The following UNC13C variants were observed in gnomAD, a reference collection of about 807,000 sequenced individuals.
UNC13C encodes protein unc-13 homolog C.
In UNC13C, 174 loss-of-function variants were observed where a neutral mutation model predicts 245.4. The ratio of observed to expected loss-of-function variants is 0.71; its 90% confidence interval spans 0.63 to 0.80. The LOEUF (loss-of-function observed/expected upper bound fraction) is 0.80. UNC13C is among the 30% of genes least tolerant of loss of function. The pLI is 0.00. For missense variants in UNC13C, 2,829 were observed against 2,602.9 expected, an observed-to-expected ratio of 1.09 and a Z score of -1.89; for synonymous variants, 992 against 895.1, an observed-to-expected ratio of 1.11 and a Z score of -1.93.
chr15:54,320,935 C>T (rs981553577), intron 13 of UNC13C: 7 of 360,516 alleles, frequency 1.9e-5, no homozygotes, highest in Admixed American at 1.8e-4. Flanking sequence ...AAACTGCTTC[C>T]ATTATTACCA....
chr15:54,351,517 C>G (rs1490333535), intron 17 of UNC13C, among the ~76,000 whole-genome samples: 1 of 152,080 alleles, frequency 6.6e-6, no homozygotes, highest in Non-Finnish European at 1.5e-5. Context: ...CCCCAGCTTC[C>G]CAGAAGTTAC....
intron 2 of UNC13C, among the ~76,000 whole-genome samples, chr15:54,021,415 G>T (rs1365496134): frequency 1.3e-5 from 2 of 152,164 alleles, no homozygotes; most frequent in South Asian, 4.1e-4. Context: ...GACTTTGTTA[G>T]ATTCCACATA....
chr15:54,291,666 G>C (rs1295925323), intron 10 of UNC13C, among the ~76,000 whole-genome samples: 2 of 151,912 alleles, frequency 1.3e-5, no homozygotes, highest in Non-Finnish European at 2.9e-5. Context: ...TCTAAGACAA[G>C]TGTTATTACC....
chr15:53,913,742 C>T, the UNC13C span: 1 of 152,196 alleles, frequency 6.6e-6, no homozygotes, highest in Non-Finnish European at 1.5e-5. Context: ...CCAAGTAAGG[C>T]CATGGGGCCT....
chr15:54,447,134 A>G (rs1419582290), intron 19 of UNC13C, among the ~76,000 whole-genome samples: 1 of 152,174 alleles, frequency 6.6e-6, no homozygotes, highest in Non-Finnish European at 1.5e-5. Flanking sequence ...CATCCCAGGT[A>G]TGAAGCCCAC....
At chr15:54,103,695 A>G (rs1300946806) in intron 2 of UNC13C, among the ~76,000 whole-genome samples, 1 of 151,946 alleles carries the variant, frequency 6.6e-6, no homozygotes, top group African/African-American at 2.4e-5. Context: ...CATCAGACCT[A>G]TCAGACAACT....
chr15:53,860,134 C>T, the UNC13C span, among the ~76,000 whole-genome samples: 3 of 152,248 alleles, frequency 2.0e-5, no homozygotes, highest in South Asian at 4.1e-4. Context: ...AGTAAGAATG[C>T]ACGTTGTTCA....
Position 54,361,173 on chromosome 15 carries a change from T to C in UNC13C, c.4713+22684T>C, listed in dbSNP as rs577291780. Among the ~76,000 whole-genome samples, 311 of 152,252 alleles carry C rather than the reference T, an allele frequency of 2.0e-3. 1 individual carries two copies. The highest frequency in any genetic ancestry group is 6.5e-3 in the African/African-American group (271 of 41,564). The stretch of plus-strand genomic sequence containing the variant: ...TACTCTTTTCTATTCTTTTTTCTTT[T>C]ATCTCCTATTTTGTATATTCTCTCT... On this transcript the variant is annotated intron_variant, in intron 17 of 32. Coordinates refer to ENST00000260323, the MANE Select transcript of UNC13C (RefSeq NM_001080534.3).
At chr15:54,450,163 AG>A (rs1251654003) in intron 19 of UNC13C, among the ~76,000 whole-genome samples, 1 of 152,160 alleles carries the variant, frequency 6.6e-6, no homozygotes, top group Non-Finnish European at 1.5e-5. Flanking sequence ...AGCCACGATG[AG>A]GTGTCAGTCT....
chr15:54,003,377 C>T (rs115246031), intron 1 of UNC13C, among the ~76,000 whole-genome samples: 3,002 of 152,242 alleles, frequency 0.02, 104 homozygotes, highest in African/African-American at 0.069. Flanking sequence ...GAAAAAGCAA[C>T]AGTGCTTATC....
At chr15:54,423,428 A>C (rs2040694597) in intron 19 of UNC13C, among the ~76,000 whole-genome samples, 1 of 151,924 alleles carries the variant, frequency 6.6e-6, no homozygotes, top group East Asian at 1.9e-4. Context: ...TACAGCATAT[A>C]GATAATTTCC....
intron 17 of UNC13C, among the ~76,000 whole-genome samples, chr15:54,364,242 G>C (rs1243640904): frequency 6.6e-6 from 1 of 152,006 alleles, no homozygotes; most frequent in East Asian, 1.9e-4. Flanking sequence ...TTATAATATA[G>C]CTGGACCCAA....
intron 11 of UNC13C, among the ~76,000 whole-genome samples, chr15:54,295,473 ACCC>A (rs1322365505): frequency 6.6e-6 from 1 of 151,956 alleles, no homozygotes; most frequent in Non-Finnish European, 1.5e-5. Context: ...ACATAGTGAG[ACCC>A]ATCTCTACCA....
At position 54,445,220 on chromosome 15, in the gene UNC13C, A is replaced by G. The variant is rs142454998; in HGVS notation, c.4933+30153A>G. On this transcript the variant is annotated intron_variant, in intron 19 of 32. Transcript: ENST00000260323. The stretch of plus-strand genomic sequence containing the variant: ...TTTCTTAATCCATTCTGCCATTTTC[A>G]GACATTTGGGTTGGATCCAAGTCTT... Among the ~76,000 whole-genome samples, 761 of 152,070 alleles carry G rather than the reference A, an allele frequency of 5.0e-3. 5 individuals are homozygous for G. Among genetic ancestry groups the G allele is most frequent in the African/African-American group, 0.017 (711 of 41,474 alleles).
chr15:54,473,934 T>A (rs1892593355), intron 19 of UNC13C, among the ~76,000 whole-genome samples: 1 of 151,886 alleles, frequency 6.6e-6, no homozygotes, highest in South Asian at 2.1e-4. Flanking sequence ...ACTCTCTACA[T>A]CTGTGTGTAC....
the UNC13C span, among the ~76,000 whole-genome samples, chr15:53,963,854 A>G: frequency 5.4e-4 from 83 of 152,322 alleles, no homozygotes; most frequent in African/African-American, 1.9e-3. Flanking sequence ...AGTGCTGCAC[A>G]TGGAAATGGA....
At chr15:54,165,473 A>G (rs1028297578) in intron 4 of UNC13C, among the ~76,000 whole-genome samples, 2 of 152,160 alleles carry the variant, frequency 1.3e-5, no homozygotes. Flanking sequence ...AGGGATAAAG[A>G]TGAAGTCTAA....
upstream of UNC13C, among the ~76,000 whole-genome samples, chr15:53,976,092 T>C (rs1893685400): frequency 6.6e-6 from 1 of 152,158 alleles, no homozygotes; most frequent in Admixed American, 6.5e-5. Context: ...AGCCAAAACA[T>C]TTCTACTAGG....
At chr15:53,842,202 T>C in the UNC13C span, among the ~76,000 whole-genome samples, 3 of 152,152 alleles carry the variant, frequency 2.0e-5, no homozygotes, top group Non-Finnish European at 4.4e-5. Flanking sequence ...GAGGGGGAAA[T>C]GAAAATCCAA....
Sources: allele counts gnomAD v4.1 joint callset (sites outside exome capture counted in the v4.1 genomes callset), GRCh38; gene constraint gnomAD v4.1.1; transcripts MANE v1.5; gene names NCBI Gene and HGNC (gene_info 2026-07-23, HGNC 2026-07-21).